Variants in TMEFF2 observed in about 807,000 individuals in gnomAD.
The protein encoded by TMEFF2 is tomoregulin-2.
A neutral mutation model predicts 53.8 loss-of-function variants in TMEFF2; 28 were observed. The ratio of observed to expected loss-of-function variants is 0.52; its 90% confidence interval spans 0.39 to 0.71. TMEFF2 has a LOEUF of 0.71. TMEFF2 is among the 30% of genes least tolerant of loss of function. The pLI is 0.00. For synonymous variants in TMEFF2, 162 were observed against 166.3 expected (o/e 0.97, Z 0.20); for missense variants, 353 against 455.2 (o/e 0.78, Z 2.04).
chr2:192,171,025 T>G (rs987524725), intron 4 of TMEFF2, among the ~76,000 whole-genome samples: 7 of 152,120 alleles, frequency 4.6e-5, no homozygotes, highest in African/African-American at 1.7e-4. Flanking sequence ...AAAGCTGTAT[T>G]TTCAAATCCA....
chr2:192,073,570 T>C (rs565486557), intron 4 of TMEFF2, among the ~76,000 whole-genome samples: 2 of 152,084 alleles, frequency 1.3e-5, no homozygotes, highest in East Asian at 3.9e-4. Context: ...GCATTCTTGG[T>C]GCGTAGAAAT....
At chr2:191,993,596 T>TTCAACCTA (rs1319731532) in intron 7 of TMEFF2, among the ~76,000 whole-genome samples, 1 of 152,028 alleles carries the variant, frequency 6.6e-6, no homozygotes, top group Non-Finnish European at 1.5e-5. Context: ...CCTGTTCCTG[T>TTCAACCTA]TCAACCTATG....
chr2:191,998,467 C>A, intron 6 of TMEFF2, 146 bp from the exon 7 acceptor site: 1 of 494,502 alleles, frequency 2.0e-6, no homozygotes, highest in Non-Finnish European at 3.5e-6. Flanking sequence ...CATACTAAGA[C>A]AGATTTACAA....
At chr2:191,968,139 G>C (rs1267562080) in intron 7 of TMEFF2, among the ~76,000 whole-genome samples, 1 of 152,178 alleles carries the variant, frequency 6.6e-6, no homozygotes, top group Non-Finnish European at 1.5e-5. Context: ...CTGTGTGAAA[G>C]CAAATGAAGC....
intron 4 of TMEFF2, among the ~76,000 whole-genome samples, chr2:192,096,668 C>CTCTCTT (rs1559124570): frequency 2.2e-5 from 1 of 45,834 alleles, no homozygotes; most frequent in African/African-American, 6.7e-5. Flanking sequence ...CTCTCTCTCT[C>CTCTCTT]TCTTTTTTTT....
intron 2 of TMEFF2, among the ~76,000 whole-genome samples, chr2:192,188,825 TTCTATCTATCTATCTATCTATCTA>T (rs34743733): frequency 3.5e-3 from 110 of 31,302 alleles, no homozygotes; most frequent in African/African-American, 7.5e-3. Flanking sequence ...CTCCCCGCTT[TTCTATCTATCTATCTATCTATCTA>T]TCTATCTATC....
intron 7 of TMEFF2, among the ~76,000 whole-genome samples, chr2:191,994,410 C>T (rs1574274204): frequency 6.7e-6 from 1 of 149,220 alleles, no homozygotes; most frequent in African/African-American, 2.5e-5. Context: ...AAATTAAGTA[C>T]ATTTTTACTG....
intron 4 of TMEFF2, among the ~76,000 whole-genome samples, chr2:192,161,430 G>A (rs1234752248): frequency 6.6e-6 from 1 of 152,134 alleles, no homozygotes; most frequent in Non-Finnish European, 1.5e-5. Context: ...TGGGATTACA[G>A]GCATGAGCCA....
intron 7 of TMEFF2, among the ~76,000 whole-genome samples, chr2:191,997,509 A>C (rs918096410): frequency 1.3e-5 from 2 of 151,558 alleles, no homozygotes; most frequent in African/African-American, 4.8e-5. Flanking sequence ...CTAAATGAAA[A>C]GCTCTGCCTA....
chr2:192,049,151 C>CTGTG lies in TMEFF2; in HGVS notation c.536+8527_536+8528insCACA, dbSNP rs35695147. 1.6e-3 allele frequency among the ~76,000 whole-genome samples: 179 copies of CTGTG among 113,790 alleles called. 2 individuals carry two copies. The highest frequency in any genetic ancestry group is 0.011 in the South Asian group (42 of 3,916). The allele number at this position is 113,790 out of a possible 152,430, so 74.7% of individuals were successfully genotyped here. ...AATATATAAGATAGATACATTTGGT[C>CTGTG]TATGTGTGTGTGTGTGTGTGTGCAT... On this transcript the variant is annotated intron_variant, in intron 5 of 9. Transcript: ENST00000272771.
chr2:191,981,048 G>T (rs1685840678), intron 7 of TMEFF2, among the ~76,000 whole-genome samples: 2 of 150,584 alleles, frequency 1.3e-5, no homozygotes, highest in African/African-American at 2.4e-5. Context: ...TCCCTCTCTA[G>T]CCTGTTCTTC....
chr2:191,972,851 A>G (rs1424288983), intron 7 of TMEFF2, among the ~76,000 whole-genome samples: 1 of 152,162 alleles, frequency 6.6e-6, no homozygotes, highest in Admixed American at 6.5e-5. Flanking sequence ...GATTTTTGAG[A>G]TTACATTGAA....
At chr2:192,053,331 T>G (rs1252316350) in intron 5 of TMEFF2, among the ~76,000 whole-genome samples, 1 of 152,210 alleles carries the variant, frequency 6.6e-6, no homozygotes, top group East Asian at 1.9e-4. Context: ...CAGCTAACTG[T>G]GTACTGACTT....
chr2:192,005,678 G>A (rs1463122793), intron 5 of TMEFF2, among the ~76,000 whole-genome samples: 1 of 152,114 alleles, frequency 6.6e-6, no homozygotes, highest in Non-Finnish European at 1.5e-5. Context: ...TGTCTCTGGG[G>A]CCATTACGCA....
chr2:192,099,196 T>C (rs951374889), intron 4 of TMEFF2, among the ~76,000 whole-genome samples: 1 of 152,166 alleles, frequency 6.6e-6, no homozygotes, highest in Admixed American at 6.6e-5. Flanking sequence ...ATCTTTATAG[T>C]AAACAAAATG....
At chr2:191,963,078 G>A (rs1367414492) in intron 7 of TMEFF2, among the ~76,000 whole-genome samples, 1 of 152,120 alleles carries the variant, frequency 6.6e-6, no homozygotes, top group Non-Finnish European at 1.5e-5. Context: ...AGGAATCTAT[G>A]GTTCATTAGC....
intron 4 of TMEFF2, among the ~76,000 whole-genome samples, chr2:192,145,595 G>GA (rs1690231604): frequency 6.6e-6 from 1 of 151,932 alleles, no homozygotes; most frequent in African/African-American, 2.4e-5. Context: ...ATCTTTTGGG[G>GA]ATGGCTCTTC....
chr2:191,984,881 A>G (rs1030489906), intron 7 of TMEFF2, among the ~76,000 whole-genome samples: 3 of 152,132 alleles, frequency 2.0e-5, no homozygotes, highest in African/African-American at 7.2e-5. Context: ...ATATATTAAC[A>G]TATATCAAAA....
At chr2:192,170,360 C>T (rs760686117) in intron 4 of TMEFF2, among the ~76,000 whole-genome samples, 12 of 152,202 alleles carry the variant, frequency 7.9e-5, no homozygotes, top group East Asian at 3.9e-4. Context: ...CACACCATCT[C>T]AATGCCCACA....
Sources: gnomAD v4.1 joint callset for allele counts (sites outside exome capture counted in the v4.1 genomes callset) on GRCh38, gnomAD v4.1.1 for gene constraint, MANE v1.5 for transcripts, NCBI Gene and HGNC (gene_info 2026-07-23, HGNC 2026-07-21) for gene names.